Variants in SETD5 observed in about 807,000 individuals in gnomAD.
SETD5 encodes the protein histone-lysine N-methyltransferase SETD5.
A neutral mutation model predicts 153.3 loss-of-function variants in SETD5; 44 were observed. That is an observed-to-expected ratio of 0.29 (90% confidence interval 0.23 to 0.37). The LOEUF is 0.37. Ranked by LOEUF, SETD5 falls within the 10% of genes least tolerant of loss-of-function variation. The pLI is 1.00. For synonymous variants in SETD5, 716 were observed against 645.2 expected (o/e 1.11, Z -1.66); for missense variants, 1,544 against 1,768.0 (o/e 0.87, Z 2.27).
rs765613231 is a variant in SETD5 at position 9,447,747 on chromosome 3, C to T, written c.1844C>T (p.Pro615Leu). 22 of 1,613,764 alleles carry T rather than the reference C, an allele frequency of 1.4e-5. No individual in the cohort carries two copies. In the Admixed American group the frequency reaches 2.8e-4, roughly 21 times the overall value. ...CCAGCAAAGCCTTCTAGGCCCCGGC[C>T]GAAGAGTCGAATTTCTCGGTACAGG... Reference protein sequence around the residue: ...PPPAKPSRPRPKSRISRYRTS... With the variant: ...PPPAKPSRPRLKSRISRYRTS... Residue 615 changes from proline (P) to leucine (L), a missense_variant, in exon 15 of 23, where the codon CCG (proline) becomes CTG (leucine). Pro to Leu is a moderately conservative substitution (Grantham distance 98). This residue lies in a region of SETD5 where 782 missense variants were observed against 787.2 expected (regional missense o/e 0.99). Coordinates refer to ENST00000402198, the MANE Select transcript of SETD5 (RefSeq NM_001080517.3).
intron 14 of SETD5, 129 bp downstream of exon 14, chr3:9,447,436 G>A (rs1326825637): frequency 1.7e-5 from 23 of 1,322,720 alleles, no homozygotes; most frequent in Admixed American, 4.6e-5. Context: ...GCCATTAACT[G>A]TTTAACTGGA....
Position 9,440,617 on chromosome 3 carries a change from T to G in SETD5, c.729T>G (p.Phe243Leu), listed in dbSNP as rs1368608644. Reference protein sequence around the residue: ...LEQHLHSSKEFVGKPTILDTI... With the variant: ...LEQHLHSSKELVGKPTILDTI... ...AACACCTACATTCTAGCAAGGAATT[T>G]GTGGGCAAACCTACTATTTTAGACA... The change falls in exon 8 of 23, where the codon TTT (phenylalanine) becomes TTG (leucine). Residue 243 changes from phenylalanine to leucine, a missense_variant. Coordinates refer to ENST00000402198, the MANE Select transcript of SETD5 (RefSeq NM_001080517.3). The G allele has an allele frequency of 1.2e-6, 2 of 1,613,868 alleles. No homozygotes were observed.
At chr3:9,412,655 C>G (rs1036895878) in intron 1 of SETD5, among the ~76,000 whole-genome samples, 1 of 151,602 alleles carries the variant, frequency 6.6e-6, no homozygotes, top group African/African-American at 2.4e-5. Flanking sequence ...CAAGTGGTCT[C>G]ATACCTCAGC....
intron 1 of SETD5, among the ~76,000 whole-genome samples, chr3:9,412,402 T>TTTG (rs2036728145): frequency 7.1e-6 from 1 of 141,556 alleles, no homozygotes; most frequent in Non-Finnish European, 1.5e-5. Context: ...TTTTTTTTTT[T>TTTG]TTTTTTTTTT....
chr3:9,474,750 A>C (rs2125621083), intron 21 of SETD5, 168 bp downstream of exon 21: 1 of 899,056 alleles, frequency 1.1e-6, no homozygotes, highest in Admixed American at 2.7e-5. Flanking sequence ...CACATTTGTA[A>C]GATCTAGCAT....
chr3:9,463,591 C>T (rs1239064393), intron 17 of SETD5, among the ~76,000 whole-genome samples: 1 of 152,022 alleles, frequency 6.6e-6, no homozygotes, highest in African/African-American at 2.4e-5. Flanking sequence ...AGAATGTGAA[C>T]CTAATTTTTT....
In SETD5 at chr3:9,475,575, A is replaced by G; in HGVS notation, c.3813A>G (p.Gly1271=). 1 of 1,613,854 alleles carries G rather than the reference A, an allele frequency of 6.2e-7. No homozygotes were observed. The highest frequency in any genetic ancestry group is 8.5e-7 in the Non-Finnish European group (1 of 1,179,870). The change falls in exon 23 of 23, where the codon GGA becomes GGG. Residue 1271 remains glycine (G), a synonymous_variant. Coordinates refer to ENST00000402198, the MANE Select transcript of SETD5 (RefSeq NM_001080517.3). The part of the protein sequence containing the change: ...PFRGHPTQSP[G]YSYRTTALRP... ...GAGGACATCCTACACAGTCTCCAGG[A>G]TACAGTTATCGAACTACTGCACTGA... is the stretch of plus-strand genomic sequence containing the variant.
At chr3:9,446,825 G>A (rs1189111560) in intron 13 of SETD5, among the ~76,000 whole-genome samples, 1 of 152,084 alleles carries the variant, frequency 6.6e-6, no homozygotes, top group South Asian at 2.1e-4. Flanking sequence ...CAAAATAACT[G>A]ACCCTTTTTG....
intron 8 of SETD5, 65 bp from the exon 9 acceptor site, chr3:9,441,517 TTAATTATGAAG>T: frequency 7.4e-7 from 1 of 1,353,240 alleles, no homozygotes; most frequent in Non-Finnish European, 1.0e-6. Flanking sequence ...CATGTTTTCC[TTAATTATGAAG>T]TAATTTGAGT....
intron 16 of SETD5, chr3:9,449,343 T>G (rs747667491): frequency 6.6e-6 from 1 of 152,124 alleles, no homozygotes; most frequent in Non-Finnish European, 1.5e-5. Flanking sequence ...TTTCCAAAGG[T>G]GTCTCTTAGG....
chr3:9,418,137 A>T (rs2037814548), intron 1 of SETD5, among the ~76,000 whole-genome samples: 1 of 149,906 alleles, frequency 6.7e-6, no homozygotes, highest in East Asian at 2.0e-4. Flanking sequence ...TTTAGTAGAG[A>T]CGGAGTTTCA....
At position 9,427,822 on chromosome 3, in the gene SETD5, A is replaced by G. The variant is rs76923860; in HGVS notation, c.-116-1001A>G. 2.9e-3 allele frequency among the ~76,000 whole-genome samples: 445 copies of G among 152,304 alleles called. 2 individuals carry two copies. Among genetic ancestry groups the G allele is most frequent in the African/African-American group, 0.01 (423 of 41,556 alleles). ...ACACTACTGTAAAACTACTAATGTA[A>G]AGTCACACAAAGAACACTTGTTTCC... On this transcript the variant is annotated intron_variant, in intron 2 of 22. Coordinates refer to ENST00000402198, the MANE Select transcript of SETD5 (RefSeq NM_001080517.3).
intron 1 of SETD5, among the ~76,000 whole-genome samples, chr3:9,412,836 T>G (rs531299294): frequency 7.9e-5 from 12 of 151,746 alleles, no homozygotes; most frequent in African/African-American, 2.7e-4. Context: ...AACAATCAAC[T>G]TATTAGTTGG....
Position 9,431,296 on chromosome 3 carries a change from T to TA in SETD5, c.71+2288dup, listed in dbSNP as rs1442550058. 7.1e-6 allele frequency: 7 copies of TA among 985,314 alleles called. No individual in the cohort carries two copies. The African/African-American group carries it at 1.2e-4, about 17-fold the overall frequency. The allele number at this position is 985,314 out of a possible 1,614,324, so 61.0% of individuals were successfully genotyped here. A position where few individuals can be genotyped will look rare whatever the true frequency, so the allele number is the denominator to read the frequency against. On this transcript the variant is annotated intron_variant, in intron 3 of 22. Transcript: ENST00000402198. Reference sequence around the variant, plus strand: ...ATGATAGCAGCTGGGTTGCATGTTGTACTTAGAACACTGTTGATGGAGTAT... The same window carrying TA: ...ATGATAGCAGCTGGGTTGCATGTTGTAACTTAGAACACTGTTGATGGAGTAT...
intron 17 of SETD5, among the ~76,000 whole-genome samples, chr3:9,461,022 A>G (rs1459116726): frequency 6.6e-6 from 1 of 152,196 alleles, no homozygotes; most frequent in Admixed American, 6.5e-5. Context: ...ATTGAAGGCA[A>G]TCAGTAAACT....
intron 1 of SETD5, among the ~76,000 whole-genome samples, chr3:9,400,837 C>T (rs1348607312): frequency 1.3e-5 from 2 of 152,212 alleles, no homozygotes; most frequent in East Asian, 3.8e-4. Flanking sequence ...CCCTCCCCCA[C>T]AACTCCTGAA....
chr3:9,402,528 T>A (rs1213690507), intron 1 of SETD5, among the ~76,000 whole-genome samples: 1 of 152,194 alleles, frequency 6.6e-6, no homozygotes, highest in Non-Finnish European at 1.5e-5. Context: ...TTAGTATTTT[T>A]AAAACACTTA....
At chr3:9,446,306 A>AAAAAAC (rs1553624517) in intron 13 of SETD5, among the ~76,000 whole-genome samples, 28 of 120,192 alleles carry the variant, frequency 2.3e-4, no homozygotes, top group African/African-American at 4.0e-4. Context: ...AAAAAAAAAA[A>AAAAAAC]AATCTGGTTT....
rs370585538 is a variant in SETD5 at position 9,435,843 on chromosome 3, A to C, written c.504A>C (p.Lys168Asn). The C allele has an allele frequency of 2.7e-5, 43 of 1,601,048 alleles. No homozygotes were observed. The highest frequency in any genetic ancestry group is 3.3e-5 in the Non-Finnish European group (39 of 1,173,512). ...TCACCTTAACTGTTAGAAGAACCAA[A>C]CCCAAGAAGCGGAAAAAGAGTCCAG... ...TSITLTVRRTKPKKRKKSPEK... is the reference protein window; with the variant it reads ...TSITLTVRRTNPKKRKKSPEK... Residue 168 changes from lysine (K) to asparagine (N), a missense_variant, in exon 7 of 23, where the codon AAA (lysine) becomes AAC (asparagine). Lys to Asn is a moderately conservative substitution (Grantham distance 94). Around this residue, in one of 9 missense-constraint regions of SETD5, gnomAD observed 251 missense variants for 326.9 expected, o/e 0.77. Coordinates refer to ENST00000402198, the MANE Select transcript of SETD5 (RefSeq NM_001080517.3).
Sources: allele counts gnomAD v4.1 joint callset (sites outside exome capture counted in the v4.1 genomes callset), GRCh38; gene constraint gnomAD v4.1.1; regional missense constraint gnomAD v4.1.1; transcripts MANE v1.5; gene names NCBI Gene and HGNC (gene_info 2026-07-23, HGNC 2026-07-21).